The following SARNP variants were observed in gnomAD, a reference collection of about 807,000 sequenced individuals.
SARNP encodes the protein SAP domain containing ribonucleoprotein.
Under a neutral mutation model 38.1 loss-of-function variants are expected in SARNP, and 5 were observed. The observed-to-expected ratio is 0.13, with a 90% CI of 0.07 to 0.28. The LOEUF is 0.28. Ranked by LOEUF, SARNP falls within the 10% of genes least tolerant of loss-of-function variation. SARNP has a pLI of 1.00. For missense variants in SARNP, 180 were observed against 243.9 expected (o/e 0.74, Z 1.75); for synonymous variants, 84 against 80.6 (o/e 1.04, Z -0.23).
In SARNP at chr12:55,789,152, A is replaced by T; in HGVS notation, c.433-9T>A. 6.4e-7 allele frequency: 1 copy of T among 1,570,918 alleles called. No homozygotes were observed. The highest frequency in any genetic ancestry group is 8.6e-7 in the Non-Finnish European group (1 of 1,157,968). On this transcript the variant is annotated splice_polypyrimidine_tract_variant and intron_variant, in intron 8 of 10. Transcript: ENST00000336133. ...AGCTTATCCAAGTTAACCTATAAAA[A>T]CATAGGGGAAAGAACATAGTTTTAA...
intron 9 of SARNP, among the ~76,000 whole-genome samples, chr12:55,766,189 C>G (rs897625719): frequency 6.6e-6 from 1 of 152,266 alleles, no homozygotes; most frequent in South Asian, 2.1e-4. Flanking sequence ...CCCCCACTAC[C>G]CTCTCTCAAA....
intron 9 of SARNP, among the ~76,000 whole-genome samples, chr12:55,768,787 G>A (rs767891764): frequency 6.6e-6 from 1 of 151,988 alleles, no homozygotes; most frequent in Non-Finnish European, 1.5e-5. Flanking sequence ...GCAATGGCAC[G>A]ATCTCGGCTC....
intron 1 of SARNP, among the ~76,000 whole-genome samples, chr12:55,813,134 T>C (rs538695645): frequency 7.2e-4 from 110 of 152,184 alleles, no homozygotes; most frequent in Middle Eastern, 3.4e-3. Context: ...TTAGTAGAGA[T>C]GGGGTTTCAC....
intron 1 of SARNP, among the ~76,000 whole-genome samples, chr12:55,806,833 C>G (rs7299222): frequency 0.082 from 12,502 of 152,216 alleles, 715 homozygotes; most frequent in African/African-American, 0.15. Context: ...CCACCGCGCC[C>G]GGCCTTAAAT....
At chr12:55,762,744 T>C (rs1187422391) in intron 9 of SARNP, 1 of 152,242 alleles carries the variant, frequency 6.6e-6, no homozygotes, top group Non-Finnish European at 1.5e-5. Flanking sequence ...TACAGCAATT[T>C]TTCAATGCCT....
intron 4 of SARNP, among the ~76,000 whole-genome samples, chr12:55,799,332 T>A (rs750933030): frequency 6.6e-6 from 1 of 152,216 alleles, no homozygotes; most frequent in Non-Finnish European, 1.5e-5. Context: ...TGTACTATAG[T>A]ACAAAATGGC....
At chr12:55,777,379 T>A (rs1879211652) in intron 9 of SARNP, among the ~76,000 whole-genome samples, 1 of 151,320 alleles carries the variant, frequency 6.6e-6, no homozygotes, top group Non-Finnish European at 1.5e-5. Context: ...CCTTTTTTTT[T>A]TATTTTTTTT....
chr12:55,806,869 C>G (rs1402728896), intron 1 of SARNP, among the ~76,000 whole-genome samples: 1 of 152,226 alleles, frequency 6.6e-6, no homozygotes, highest in Non-Finnish European at 1.5e-5. Flanking sequence ...GCATTTAGAA[C>G]AGTGCTTGAC....
At chr12:55,813,810 C>G (rs1248818827) in intron 1 of SARNP, among the ~76,000 whole-genome samples, 1 of 152,184 alleles carries the variant, frequency 6.6e-6, no homozygotes, top group African/African-American at 2.4e-5. Flanking sequence ...TCCCAAAGTA[C>G]TGGGATTACA....
In SARNP at chr12:55,796,002, C is replaced by T. The variant is rs763213133; in HGVS notation, c.303+23G>A. The T allele has an allele frequency of 1.6e-5, 24 of 1,540,890 alleles. No individual in the cohort carries two copies. In the Admixed American group the frequency reaches 3.7e-4, roughly 24 times the overall value. ...GGGAGAGAGAAATGTAGAGACTGTT[C>T]TACTAGGGAGCAGAATACCTACCTC... On this transcript the variant is annotated intron_variant, in intron 5 of 10. Transcript: ENST00000336133.
chr12:55,756,715 G>C (rs749742483), downstream of SARNP: 3 of 152,182 alleles, frequency 2.0e-5, no homozygotes, highest in Non-Finnish European at 4.4e-5. Flanking sequence ...CAATGATTTA[G>C]CTAACAATGC....
At chr12:55,815,395 T>G (rs773308273) in intron 1 of SARNP, among the ~76,000 whole-genome samples, 1 of 152,320 alleles carries the variant, frequency 6.6e-6, no homozygotes, top group East Asian at 1.9e-4. Flanking sequence ...GTCAGGATCA[T>G]TGCATCAAGA....
At chr12:55,769,918 T>C (rs1262902318) in intron 9 of SARNP, among the ~76,000 whole-genome samples, 1 of 152,186 alleles carries the variant, frequency 6.6e-6, no homozygotes, top group East Asian at 1.9e-4. Flanking sequence ...TAAATGCACT[T>C]TTGACTTAAG....
intron 9 of SARNP, among the ~76,000 whole-genome samples, chr12:55,782,734 G>A (rs147458398): frequency 9.9e-5 from 15 of 152,236 alleles, no homozygotes; most frequent in African/African-American, 3.6e-4. Context: ...CCACAGGCAT[G>A]TGCCACACTG....
chr12:55,794,371 C>T lies in SARNP; in HGVS notation c.394G>A (p.Val132Ile), dbSNP rs1014994104. 2 of 1,607,406 alleles carry T rather than the reference C, an allele frequency of 1.2e-6. No homozygotes were observed. The highest frequency in any genetic ancestry group is 1.3e-5 in the African/African-American group (1 of 74,458). ...ARAARFGISS[V>I]PTKGLSSDNK... is the part of the protein sequence containing the mutation. ...TCTGTACTCTTACCTTTTGTTGGAA[C>T]TGAAGAAATCCCAAACCTGAAGAAG... Residue 132 changes from valine (V) to isoleucine (I), a missense_variant, in exon 7 of 11, where the codon GTT (valine) becomes ATT (isoleucine). Physicochemically the swap from Val to Ile is conservative, Grantham distance 29. Transcript: ENST00000336133.
chr12:55,767,480 T>C (rs187484628), intron 9 of SARNP, among the ~76,000 whole-genome samples: 95 of 150,540 alleles, frequency 6.3e-4, no homozygotes, highest in African/African-American at 2.1e-3. Flanking sequence ...GCCAAGGAGG[T>C]TGAGGCTGCA....
chr12:55,756,388 C>G (rs1878505615), downstream of SARNP: 1 of 152,136 alleles, frequency 6.6e-6, no homozygotes, highest in African/African-American at 2.4e-5. Flanking sequence ...CAACCAGAGA[C>G]TTTGGAGAAA....
chr12:55,796,344 G>A (rs1381768747), intron 4 of SARNP, among the ~76,000 whole-genome samples: 2 of 152,206 alleles, frequency 1.3e-5, no homozygotes, highest in African/African-American at 4.8e-5. Flanking sequence ...ATACTGGGCT[G>A]AAGGGAAACA....
downstream of SARNP, chr12:55,754,198 C>T (rs1344113540): frequency 6.6e-6 from 1 of 152,212 alleles, no homozygotes; most frequent in Non-Finnish European, 1.5e-5. Flanking sequence ...CTACCCCTAA[C>T]TTTGGCCTGA....
Sources: gnomAD v4.1 joint callset for allele counts (sites outside exome capture counted in the v4.1 genomes callset) on GRCh38, gnomAD v4.1.1 for gene constraint, MANE v1.5 for transcripts, NCBI Gene and HGNC (gene_info 2026-07-23, HGNC 2026-07-21) for gene names.